The following AFF3 variants were observed in gnomAD, a reference collection of about 807,000 sequenced individuals.
AFF3 encodes the protein ALF transcription elongation factor 3.
A neutral mutation model predicts 129.7 loss-of-function variants in AFF3; 32 were observed. The ratio of observed to expected loss-of-function variants is 0.25; its 90% CI spans 0.19 to 0.33. The LOEUF (loss-of-function observed/expected upper bound fraction) is 0.33, where lower values mean the gene tolerates loss of function less well. Ranked by LOEUF, AFF3 falls within the 10% of genes least tolerant of loss-of-function variation. The pLI is 1.00. For missense variants in AFF3, 1,373 were observed against 1,592.0 expected (o/e 0.86, Z 2.34); for synonymous variants, 644 against 635.4 (o/e 1.01, Z -0.20).
chr2:100,118,316 G>C (rs1346521108), intron 2 of AFF3, among the ~76,000 whole-genome samples: 1 of 152,090 alleles, frequency 6.6e-6, no homozygotes. Flanking sequence ...CCTGTGAATG[G>C]GCTAAGAGCA....
At position 99,735,436 on chromosome 2, in the gene AFF3, C is replaced by T. The variant is rs538491887; in HGVS notation, c.1040-8308G>A. ...ATTTGTTTTGGGTTTATTTTCTCTTCTTTCAGCTCTTAAGATAGATGCTTA... is the reference window on the plus strand; with the variant it reads ...ATTTGTTTTGGGTTTATTTTCTCTTTTTTCAGCTCTTAAGATAGATGCTTA... On this transcript the variant is annotated intron_variant, in intron 10 of 24. Coordinates refer to ENST00000672756, the MANE Select transcript of AFF3 (RefSeq NM_001386135.1). 3.3e-5 allele frequency among the ~76,000 whole-genome samples: 5 copies of T among 150,064 alleles called. 1 individual carries two copies. The South Asian group carries it at 1.0e-3, about 31-fold the overall frequency.
intron 11 of AFF3, among the ~76,000 whole-genome samples, chr2:99,713,108 G>T (rs1185647396): frequency 6.6e-6 from 1 of 152,108 alleles, no homozygotes; most frequent in East Asian, 1.9e-4. Context: ...ATTGTTTAAT[G>T]GGCACAGAGT....
At chr2:99,827,289 A>T (rs1409524146) in intron 8 of AFF3, among the ~76,000 whole-genome samples, 1 of 152,162 alleles carries the variant, frequency 6.6e-6, no homozygotes, top group East Asian at 1.9e-4. Context: ...GAACACCAAC[A>T]TCAAGGGGGA....
chr2:99,799,805 C>T (rs940617344), intron 8 of AFF3, among the ~76,000 whole-genome samples: 1 of 152,074 alleles, frequency 6.6e-6, no homozygotes, highest in African/African-American at 2.4e-5. Context: ...CACATATCTA[C>T]AAACAACTGA....
At chr2:99,644,045 C>T (rs1310998682) in intron 13 of AFF3, among the ~76,000 whole-genome samples, 2 of 152,122 alleles carry the variant, frequency 1.3e-5, no homozygotes, top group African/African-American at 4.8e-5. Flanking sequence ...CACCCCCAGC[C>T]CCAGCACAGC....
intron 2 of AFF3, among the ~76,000 whole-genome samples, chr2:100,113,258 G>A (rs1691589574): frequency 1.3e-5 from 2 of 152,192 alleles, no homozygotes; most frequent in South Asian, 4.1e-4. Context: ...TAAGAAAGAA[G>A]ATGAGAAAGA....
intron 20 of AFF3, among the ~76,000 whole-genome samples, chr2:99,561,705 C>T (rs992774260): frequency 1.1e-4 from 16 of 152,172 alleles, no homozygotes; most frequent in African/African-American, 3.9e-4. Flanking sequence ...TTTCAATCCT[C>T]AAACCTGGTT....
intron 13 of AFF3, among the ~76,000 whole-genome samples, chr2:99,647,090 G>A (rs1684761529): frequency 1.3e-5 from 2 of 152,158 alleles, no homozygotes; most frequent in African/African-American, 2.4e-5. Context: ...AAGACATTGT[G>A]GTGATTCTTC....
chr2:99,870,362 C>T (rs2105959081), intron 7 of AFF3, among the ~76,000 whole-genome samples: 1 of 152,362 alleles, frequency 6.6e-6, no homozygotes, highest in Non-Finnish European at 1.5e-5. Flanking sequence ...GATTTCTACC[C>T]TGACTCTGCA....
chr2:99,737,841 T>A (rs915887031), intron 10 of AFF3, among the ~76,000 whole-genome samples: 2 of 152,008 alleles, frequency 1.3e-5, no homozygotes, highest in Admixed American at 6.6e-5. Context: ...GTTTTCCATT[T>A]CTGTCTCTCT....
chr2:100,106,695 C>A (rs1407005843), intron 2 of AFF3: 1 of 986,074 alleles, frequency 1.0e-6, no homozygotes, highest in Non-Finnish European at 1.2e-6. Flanking sequence ...GGAGACCTCC[C>A]GGCCCTCACC....
chr2:99,615,916 C>G (rs1400988904), intron 13 of AFF3, among the ~76,000 whole-genome samples: 1 of 152,228 alleles, frequency 6.6e-6, no homozygotes, highest in African/African-American at 2.4e-5. Flanking sequence ...GAAGCTCCTA[C>G]TCGATGGCTT....
At chr2:99,979,772 T>G (rs1442355448) in intron 7 of AFF3, among the ~76,000 whole-genome samples, 1 of 152,212 alleles carries the variant, frequency 6.6e-6, no homozygotes, top group Non-Finnish European at 1.5e-5. Flanking sequence ...CATGAGCCAC[T>G]GCACCCGGCC....
At position 99,995,119 on chromosome 2, in the gene AFF3, G is replaced by A. The variant is rs114329054; in HGVS notation, c.873+11513C>T. Among the ~76,000 whole-genome samples, 1,187 of 152,206 alleles carry A rather than the reference G, an allele frequency of 7.8e-3. 18 individuals carry two copies. The highest frequency in any genetic ancestry group is 0.027 in the African/African-American group (1,122 of 41,518). ...GGTGGCTGGAGCAGGTGGGGGAAGT[G>A]GTAAGACTTGCACTAGGTCTTGAAG... On this transcript the variant is annotated intron_variant, in intron 7 of 24. Transcript: ENST00000672756.
intron 11 of AFF3, among the ~76,000 whole-genome samples, chr2:99,716,338 G>A (rs1678379873): frequency 6.6e-6 from 1 of 152,136 alleles, no homozygotes; most frequent in Non-Finnish European, 1.5e-5. Flanking sequence ...GTAGCAGAAT[G>A]GGACAGTGGT....
intron 11 of AFF3, chr2:99,707,724 C>A (rs1224892936): frequency 3.4e-6 from 3 of 882,946 alleles, no homozygotes; most frequent in Non-Finnish European, 2.7e-6. Context: ...CTTTTTTTGG[C>A]CAATCTTCAG....
At position 99,899,867 on chromosome 2, in the gene AFF3, CAT is replaced by C. The variant is rs772434594; in HGVS notation, c.874-62345_874-62344del. On this transcript the variant is annotated intron_variant, in intron 7 of 24. Transcript: ENST00000672756. ...ACTGCTAGGGTCTCCAAGGTAGACA[CAT>C]GTCTTTGGATATTTTGAAGGCACGT... Among the ~76,000 whole-genome samples, 103 of 152,314 alleles carry C rather than the reference CAT, an allele frequency of 6.8e-4. 2 individuals are homozygous for C. Among genetic ancestry groups the C allele is most frequent in the African/African-American group, 2.4e-3 (100 of 41,570 alleles).
intron 11 of AFF3, among the ~76,000 whole-genome samples, chr2:99,722,325 C>A (rs985922258): frequency 4.6e-5 from 7 of 152,142 alleles, no homozygotes; most frequent in African/African-American, 7.2e-5. Context: ...AGATAATGAA[C>A]ACTGTAAATT....
chr2:99,855,465 G>A (rs1260929710), intron 7 of AFF3, among the ~76,000 whole-genome samples: 4 of 152,122 alleles, frequency 2.6e-5, no homozygotes, highest in African/African-American at 9.6e-5. Flanking sequence ...TCAATAAAAT[G>A]AGAGCAAAAA....
Sources: gnomAD v4.1 joint callset for allele counts (sites outside exome capture counted in the v4.1 genomes callset) on GRCh38, gnomAD v4.1.1 for gene constraint, MANE v1.5 for transcripts, NCBI Gene and HGNC (gene_info 2026-07-23, HGNC 2026-07-21) for gene names.